Variants in RFC5 observed in about 807,000 individuals in gnomAD.
RFC5 encodes replication factor C subunit 5.
A neutral mutation model predicts 44.3 loss-of-function variants in RFC5; 26 were observed. The observed-to-expected ratio is 0.59, with a 90% CI of 0.43 to 0.81. RFC5 has a LOEUF of 0.81. Ranked by LOEUF, RFC5 falls within the 40% of genes least tolerant of loss-of-function variation. The pLI is 0.00. For missense variants in RFC5, 328 were observed against 418.6 expected (o/e 0.78, Z 1.89); for synonymous variants, 155 against 155.2 (o/e 1.00, Z 0.01).
chr12:118,035,694 C>T, downstream of RFC5: 1 of 189,044 alleles, frequency 5.3e-6, no homozygotes, highest in Admixed American at 5.4e-5. Context: ...AAAAGGAGAC[C>T]AAGTTTGTGA....
At chr12:118,034,570 A>G, downstream of RFC5, 1 of 457,692 alleles carries the variant, frequency 2.2e-6, no homozygotes. Flanking sequence ...TGTGATACCA[A>G]AGCGCTCTCT....
the RFC5 span, among the ~76,000 whole-genome samples, chr12:118,040,818 T>C: frequency 3.5e-4 from 54 of 152,170 alleles, no homozygotes; most frequent in African/African-American, 1.2e-3. Flanking sequence ...GAAGCCCAGG[T>C]AGGCAGATCA....
At chr12:118,025,658 G>A in intron 6 of RFC5, 89 bp from the exon 7 acceptor site, 1 of 776,544 alleles carries the variant, frequency 1.3e-6, no homozygotes, top group Non-Finnish European at 2.3e-6. Context: ...TCCCTTTAAA[G>A]CCTTAATCAT....
In RFC5 at chr12:118,019,001, C is replaced by T. The variant is rs1832679047; in HGVS notation, c.66-71C>T. ...GGCATGAGCCACTGTGCCTGACCTGCAAGGATTCTTTTGCACATAAAATAT... is the reference window on the plus strand; with the variant it reads ...GGCATGAGCCACTGTGCCTGACCTGTAAGGATTCTTTTGCACATAAAATAT... On this transcript the variant is annotated intron_variant, in intron 1 of 10. Coordinates refer to ENST00000454402, the MANE Select transcript of RFC5 (RefSeq NM_007370.7). This position sits in a 1 kb window ranked among gnomAD's most constrained non-coding sequence, Gnocchi z 4.2. The T allele has an allele frequency of 8.3e-7, 1 of 1,207,902 alleles. No individual in the cohort carries two copies. The allele number at this position is 1,207,902 out of a possible 1,614,324, so 74.8% of individuals were successfully genotyped here.
intron 6 of RFC5, chr12:118,025,511 C>T (rs1421717159): frequency 2.2e-6 from 1 of 464,376 alleles, no homozygotes; most frequent in Non-Finnish European, 3.9e-6. Flanking sequence ...TGGGAGAATG[C>T]TTGTTCCTAA....
the RFC5 span, among the ~76,000 whole-genome samples, chr12:118,039,774 T>C: frequency 6.6e-6 from 1 of 151,940 alleles, no homozygotes; most frequent in South Asian, 2.1e-4. Flanking sequence ...GACAGAGTCT[T>C]GTTCTGTTGC....
chr12:118,019,679 G>T lies in RFC5; in HGVS notation c.178G>T (p.Gly60Cys). ...CCGACTGCCACACTTGCTTCTCTAC[G>T]GTCCCCCAGGGACAGGCAAGACATC... ...EDRLPHLLLYGPPGTGKTSTI... is the reference protein window; with the variant it reads ...EDRLPHLLLYCPPGTGKTSTI... The change falls in exon 3 of 11, where the codon GGT (glycine) becomes TGT (cysteine). Residue 60 changes from glycine to cysteine, a missense_variant. Coordinates refer to ENST00000454402, the MANE Select transcript of RFC5 (RefSeq NM_007370.7). The surrounding 1 kb of genome is among the most constrained non-coding windows in gnomAD (Gnocchi z 4.2). 6.2e-7 allele frequency: 1 copy of T among 1,613,898 alleles called. No homozygotes were observed. The highest frequency in any genetic ancestry group is 1.1e-5 in the South Asian group (1 of 91,068).
rs542913885 is a variant in RFC5, at chr12:118,018,672, C to T, written c.66-400C>T. On this transcript the variant is annotated intron_variant, in intron 1 of 10. Transcript: ENST00000454402. ...GCTGGAGTGCTGGAGTGCAGTGGTG[C>T]AATCTCGGTTCACTGCAACCTCCGC... 1.1e-4 allele frequency among the ~76,000 whole-genome samples: 17 copies of T among 152,050 alleles called. No homozygotes were observed. The South Asian group carries it at 3.5e-3, about 32-fold the overall frequency.
intron 4 of RFC5, among the ~76,000 whole-genome samples, 167 bp from the exon 5 acceptor site, chr12:118,022,118 GC>G (rs2030543266): frequency 6.6e-6 from 1 of 152,210 alleles, no homozygotes; most frequent in African/African-American, 2.4e-5. Flanking sequence ...AAGGAGTGAT[GC>G]GGCATTTCCT....
chr12:118,027,119 C>T, intron 8 of RFC5, 101 bp downstream of exon 8: 1 of 1,197,048 alleles, frequency 8.4e-7, no homozygotes, highest in Non-Finnish European at 1.2e-6. Flanking sequence ...GGATGACTGG[C>T]TGCAGGCGAC....
At chr12:118,027,061 G>T (rs773712810) in intron 8 of RFC5, 43 bp downstream of exon 8, 1 of 1,591,824 alleles carries the variant, frequency 6.3e-7, no homozygotes, top group Non-Finnish European at 8.5e-7. Flanking sequence ...ACCTGAAGGT[G>T]GCCCCAGGAG....
At chr12:118,020,809 T>G (rs2030432019) in intron 3 of RFC5, 97 bp from the exon 4 acceptor site, 1 of 691,816 alleles carries the variant, frequency 1.4e-6, no homozygotes, top group Non-Finnish European at 2.5e-6. Context: ...AGAGCTAGCC[T>G]GCTGAGCTGG....
At position 118,019,509 on chromosome 12, in the gene RFC5, T is replaced by A; in HGVS notation, c.131-123T>A. On this transcript the variant is annotated intron_variant, in intron 2 of 10. Transcript: ENST00000454402. The surrounding 1 kb of genome is among the most constrained non-coding windows in gnomAD (Gnocchi z 4.2). ...TAGATATGAGGCCCCTACATCAAGT[T>A]GTATCTGCCTCTGATTTGGACATTG... is the stretch of plus-strand genomic sequence containing the variant. The A allele has an allele frequency of 9.4e-7, 1 of 1,066,362 alleles. No individual in the cohort carries two copies. Among genetic ancestry groups the A allele is most frequent in the Middle Eastern group, 2.8e-4 (1 of 3,534 alleles). The allele number at this position is 1,066,362 out of a possible 1,614,324, so 66.1% of individuals were successfully genotyped here.
At chr12:118,027,860 CT>C in intron 8 of RFC5, 92 bp from the exon 9 acceptor site, 1 of 779,194 alleles carries the variant, frequency 1.3e-6, no homozygotes. Context: ...AAAAGCCTTA[CT>C]TTAAAAAGTC....
At chr12:118,017,987 T>C in intron 1 of RFC5, 1 of 699,784 alleles carries the variant, frequency 1.4e-6, no homozygotes, top group South Asian at 1.5e-5. Context: ...ATTCTCCCCT[T>C]CCTCTAGCCC....
downstream of RFC5, chr12:118,036,158 C>T (rs545987371): frequency 3.4e-4 from 228 of 669,692 alleles, 1 homozygote; most frequent in African/African-American, 3.1e-3. Context: ...TCCAAGATTG[C>T]GCCACTGCAC....
At chr12:118,034,069 C>T, downstream of RFC5, 2 of 1,304,616 alleles carry the variant, frequency 1.5e-6, no homozygotes, top group Middle Eastern at 2.7e-4. Context: ...GGTTTTGCTA[C>T]ATTCTATTCA....
downstream of RFC5, among the ~76,000 whole-genome samples, chr12:118,037,335 G>T (rs1222021905): frequency 6.6e-6 from 1 of 152,128 alleles, no homozygotes; most frequent in Non-Finnish European, 1.5e-5. Flanking sequence ...TTAAACCTTT[G>T]TGAGAAGCAT....
At chr12:118,024,340 C>CA (rs369599555) in intron 5 of RFC5, among the ~76,000 whole-genome samples, 352 of 142,724 alleles carry the variant, frequency 2.5e-3, no homozygotes, top group Middle Eastern at 7.0e-3. Context: ...GACTCTGTTT[C>CA]AAAAAAGAAA....
Sources: allele counts gnomAD v4.1 joint callset (sites outside exome capture counted in the v4.1 genomes callset), GRCh38; gene constraint gnomAD v4.1.1; non-coding constraint Gnocchi (gnomAD v3.1); transcripts MANE v1.5; gene names NCBI Gene and HGNC (gene_info 2026-07-23, HGNC 2026-07-21).